SV2B: variants seen among roughly 807,000 people sequenced by gnomAD.
SV2B encodes the protein synaptic vesicle glycoprotein 2B, also known as solute carrier family 22 member B2.
SV2B carries 41 observed loss-of-function variants against 73.9 expected under a neutral mutation model. That is an observed-to-expected ratio of 0.56 (90% confidence interval 0.43 to 0.72). The LOEUF is 0.72. SV2B is among the 30% of genes least tolerant of loss of function. The pLI is 0.00. For synonymous variants in SV2B, 314 were observed against 314.2 expected, an observed-to-expected ratio of 1.00 and a Z score of 0.01; for missense variants, 764 against 857.8, an observed-to-expected ratio of 0.89 and a Z score of 1.37.
intron 1 of SV2B, among the ~76,000 whole-genome samples, chr15:91,189,842 G>T (rs1381123127): frequency 6.6e-6 from 1 of 152,174 alleles, no homozygotes; most frequent in Non-Finnish European, 1.5e-5. Context: ...CAATAAATTA[G>T]TTGGGTGTAA....
chr15:91,134,780 A>G (rs188959787), intron 1 of SV2B, among the ~76,000 whole-genome samples: 1 of 152,188 alleles, frequency 6.6e-6, no homozygotes, highest in East Asian at 1.9e-4. Flanking sequence ...AAAGCAAACA[A>G]CCCCAATAAA....
chr15:91,129,841 C>T lies in SV2B; in HGVS notation c.-392+29478C>T, dbSNP rs1006782095. On this transcript the variant is annotated intron_variant, in intron 1 of 12. Coordinates refer to ENST00000394232, the MANE Select transcript of SV2B (RefSeq NM_001323032.3). This position sits in a 1 kb window ranked among gnomAD's most constrained non-coding sequence, Gnocchi z 5.1. ...GTATGGTTTTCCTCAGCCTGTGTTT[C>T]CTCATCTGTAAAAGAGAGACAAGAA... Among the ~76,000 whole-genome samples, 2 of 152,154 alleles carry T rather than the reference C, an allele frequency of 1.3e-5. No individual in the cohort carries two copies. The highest frequency in any genetic ancestry group is 4.8e-5 in the African/African-American group (2 of 41,432).
rs561443214 is a variant in SV2B at position 91,169,934 on chromosome 15, A to T, written c.-391-55939A>T. ...TGGGAAAATCAGCGGCGCAAATAAG[A>T]CTGCAAAAGCAATGTTTAAAATTGA... On this transcript the variant is annotated intron_variant, in intron 1 of 12. Coordinates refer to ENST00000394232, the MANE Select transcript of SV2B (RefSeq NM_001323032.3). Among the ~76,000 whole-genome samples the T allele has an allele frequency of 2.8e-4, 42 of 152,348 alleles. No individual in the cohort carries two copies. The South Asian group carries it at 8.7e-3, about 32-fold the overall frequency.
rs1043880567 is a variant in SV2B at position 91,122,066 on chromosome 15, G to A, written c.-392+21703G>A. 2.6e-5 allele frequency among the ~76,000 whole-genome samples: 4 copies of A among 152,072 alleles called. No homozygotes were observed. The highest frequency in any genetic ancestry group is 6.6e-5 in the Admixed American group (1 of 15,264). On this transcript the variant is annotated intron_variant, in intron 1 of 12. Coordinates refer to ENST00000394232, the MANE Select transcript of SV2B (RefSeq NM_001323032.3). This position sits in a 1 kb window ranked among gnomAD's most constrained non-coding sequence, Gnocchi z 4.3. ...TGGGATTACAGGCGTGAGCCACTGCGCCCGGCCCAATGGTGTTTTAAAAGT... is the reference window on the plus strand; with the variant it reads ...TGGGATTACAGGCGTGAGCCACTGCACCCGGCCCAATGGTGTTTTAAAAGT...
intron 1 of SV2B, among the ~76,000 whole-genome samples, chr15:91,168,358 A>C (rs1244264343): frequency 6.9e-6 from 1 of 144,798 alleles, no homozygotes; most frequent in East Asian, 2.0e-4. Flanking sequence ...CACTCTTCAG[A>C]CCAAAGAGGC....
intron 1 of SV2B, among the ~76,000 whole-genome samples, chr15:91,113,888 C>G (rs541563782): frequency 1.3e-5 from 2 of 152,002 alleles, no homozygotes; most frequent in Non-Finnish European, 2.9e-5. Context: ...TTTGTCAGTG[C>G]GTAGTAGGGT....
rs2049143100 is a variant in SV2B at position 91,294,230 on chromosome 15, C to T, written c.*1678C>T. The T allele has an allele frequency of 6.6e-6, 1 of 152,132 alleles. No homozygotes were observed. Among genetic ancestry groups the T allele is most frequent in the Admixed American group, 6.5e-5 (1 of 15,284 alleles). 9.4% of individuals were successfully genotyped at this position (152,132 alleles called of 1,614,324 possible). ...CTCAGTATTGGAGAAATGCTTAGGT[C>T]CTATGATAGCTTCGGGACATCTTTC... On this transcript the variant is annotated 3_prime_UTR_variant, in exon 13 of 13. Coordinates refer to ENST00000394232, the MANE Select transcript of SV2B (RefSeq NM_001323032.3). The surrounding 1 kb of genome is among the most constrained non-coding windows in gnomAD (Gnocchi z 4.1).
In SV2B at chr15:91,137,873, A is replaced by G. The variant is rs2042890193; in HGVS notation, c.-392+37510A>G. Among the ~76,000 whole-genome samples, 1 of 152,070 alleles carries G rather than the reference A, an allele frequency of 6.6e-6. No homozygotes were observed. The highest frequency in any genetic ancestry group is 2.4e-5 in the African/African-American group (1 of 41,416). ...AACTGGTAAATAAGAAGAGAGAATC[A>G]GGTGTTTACTTTGCCTTTCCAATAC... On this transcript the variant is annotated intron_variant, in intron 1 of 12. Transcript: ENST00000394232. This position sits in a 1 kb window ranked among gnomAD's most constrained non-coding sequence, Gnocchi z 4.9.
At chr15:91,221,693 G>GCGCGCGCGCACGCACACACA (rs370290337) in intron 1 of SV2B, among the ~76,000 whole-genome samples, 1 of 140,068 alleles carries the variant, frequency 7.1e-6, no homozygotes, top group African/African-American at 2.8e-5. Flanking sequence ...AAGCATGTGC[G>GCGCGCGCGCACGCACACACA]CACACACACA....
At position 91,223,912 on chromosome 15, in the gene SV2B, C is replaced by A. The variant is rs1268901292; in HGVS notation, c.-391-1961C>A. 6.6e-6 allele frequency among the ~76,000 whole-genome samples: 1 copy of A among 152,214 alleles called. No individual in the cohort carries two copies. The highest frequency in any genetic ancestry group is 1.5e-5 in the Non-Finnish European group (1 of 68,042). On this transcript the variant is annotated intron_variant, in intron 1 of 12. Transcript: ENST00000394232. This position sits in a 1 kb window ranked among gnomAD's most constrained non-coding sequence, Gnocchi z 4.6. ...GGAAAATGCAGATTGCAGGGCCCTGCCCTATCCTGCAGATTCAGTGTCTTT... is the reference window on the plus strand; with the variant it reads ...GGAAAATGCAGATTGCAGGGCCCTGACCTATCCTGCAGATTCAGTGTCTTT...
At position 91,105,297 on chromosome 15, in the gene SV2B, C is replaced by A. The variant is rs186073435; in HGVS notation, c.-392+4934C>A. On this transcript the variant is annotated intron_variant, in intron 1 of 12. Transcript: ENST00000394232. The surrounding 1 kb of genome is among the most constrained non-coding windows in gnomAD (Gnocchi z 5.5). ...GTTGGAGTGGGAGGGTAGGGTAAAACGAAGTGTGGGTATTTTATGCAAGGT... is the reference window on the plus strand; with the variant it reads ...GTTGGAGTGGGAGGGTAGGGTAAAAAGAAGTGTGGGTATTTTATGCAAGGT... Among the ~76,000 whole-genome samples, 2 of 151,950 alleles carry A rather than the reference C, an allele frequency of 1.3e-5. No individual in the cohort carries two copies. The highest frequency in any genetic ancestry group is 4.8e-5 in the African/African-American group (2 of 41,346).
intron 2 of SV2B, among the ~76,000 whole-genome samples, chr15:91,235,390 A>T (rs990723776): frequency 6.6e-6 from 1 of 152,200 alleles, no homozygotes; most frequent in East Asian, 1.9e-4. Flanking sequence ...AGGGTTGACT[A>T]TTACAAAGCT....
chr15:91,180,801 T>C (rs1215902046), intron 1 of SV2B, among the ~76,000 whole-genome samples: 4 of 152,182 alleles, frequency 2.6e-5, no homozygotes, highest in Non-Finnish European at 5.9e-5. Flanking sequence ...CATCTAAATT[T>C]TTTTCAAAGT....
rs2047031349 is a variant in SV2B at position 91,241,890 on chromosome 15, C to A, written c.452-9929C>A. Among the ~76,000 whole-genome samples, 1 of 152,212 alleles carries A rather than the reference C, an allele frequency of 6.6e-6. No homozygotes were observed. The highest frequency in any genetic ancestry group is 1.5e-5 in the Non-Finnish European group (1 of 68,036). On this transcript the variant is annotated intron_variant, in intron 2 of 12. Coordinates refer to ENST00000394232, the MANE Select transcript of SV2B (RefSeq NM_001323032.3). This position sits in a 1 kb window ranked among gnomAD's most constrained non-coding sequence, Gnocchi z 4.8. ...ACACACATCTTTTCTATTCCCTTTCCAGTAAAATTCACTGAACCCAGTTCC... is the reference window on the plus strand; with the variant it reads ...ACACACATCTTTTCTATTCCCTTTCAAGTAAAATTCACTGAACCCAGTTCC...
At position 91,261,591 on chromosome 15, in the gene SV2B, A is replaced by C. The variant is rs2047911649; in HGVS notation, c.1008+1182A>C. Among the ~76,000 whole-genome samples the C allele has an allele frequency of 6.6e-6, 1 of 152,186 alleles. No individual in the cohort carries two copies. Among genetic ancestry groups the C allele is most frequent in the Non-Finnish European group, 1.5e-5 (1 of 68,036 alleles). On this transcript the variant is annotated intron_variant, in intron 6 of 12. Coordinates refer to ENST00000394232, the MANE Select transcript of SV2B (RefSeq NM_001323032.3). The surrounding 1 kb of genome is among the most constrained non-coding windows in gnomAD (Gnocchi z 4.7). Reference sequence around the variant, plus strand: ...CTAGGAGTAGACTCCTAGAAATAAAAGTGCTGGCTCAGAGAGCTTGGATAT... The same window carrying C: ...CTAGGAGTAGACTCCTAGAAATAAACGTGCTGGCTCAGAGAGCTTGGATAT...
chr15:91,262,790 C>A (rs1189678199), intron 6 of SV2B, among the ~76,000 whole-genome samples: 1 of 152,228 alleles, frequency 6.6e-6, no homozygotes, highest in Non-Finnish European at 1.5e-5. Flanking sequence ...GTCTCCCGAT[C>A]TTCCATCCCC....
At chr15:91,277,944 C>T (rs1464749192) in intron 9 of SV2B, among the ~76,000 whole-genome samples, 1 of 152,156 alleles carries the variant, frequency 6.6e-6, no homozygotes, top group Non-Finnish European at 1.5e-5. Context: ...ATCGTGATTT[C>T]ACCACTCAGG....
chr15:91,197,216 T>TTTTG lies in SV2B; in HGVS notation c.-391-28654_-391-28653insGTTT, dbSNP rs1567335516. On this transcript the variant is annotated intron_variant, in intron 1 of 12. Transcript: ENST00000394232. This position sits in a 1 kb window ranked among gnomAD's most constrained non-coding sequence, Gnocchi z 4.9. ...TGTTTTGTTTTTGTGTTTTTTTTGT[T>TTTTG]TTTTGTTTTGTTTTGTTTTGTTTTG... Among the ~76,000 whole-genome samples the TTTTG allele has an allele frequency of 5.2e-4, 75 of 145,004 alleles. 2 individuals carry two copies. Among genetic ancestry groups the TTTTG allele is most frequent in the African/African-American group, 2.0e-3 (69 of 35,044 alleles).
chr15:91,177,027 C>T (rs1239491532), intron 1 of SV2B, among the ~76,000 whole-genome samples: 3 of 151,140 alleles, frequency 2.0e-5, no homozygotes, highest in Non-Finnish European at 4.4e-5. Context: ...GGTTTTAGGT[C>T]TAACATTTAA....
Sources: gnomAD v4.1 joint callset for allele counts (sites outside exome capture counted in the v4.1 genomes callset) on GRCh38, gnomAD v4.1.1 for gene constraint, Gnocchi (gnomAD v3.1) non-coding constraint, MANE v1.5 for transcripts, NCBI Gene and HGNC (gene_info 2026-07-23, HGNC 2026-07-21) for gene names.